DMD: variants seen among roughly 807,000 people sequenced by gnomAD.
DMD encodes the protein mutant dystrophin.
In DMD, 63 loss-of-function variants were observed where a neutral mutation model predicts 330.1. That is an observed-to-expected ratio of 0.19 (90% CI 0.16 to 0.24). DMD has a LOEUF of 0.24. Among genes scored for constraint, DMD ranks in the 10% least tolerant of loss-of-function variants. The probability of loss-of-function intolerance (pLI) is 1.00; values close to 1 mark genes in which losing one functional copy is unlikely to be tolerated. For synonymous variants in DMD, 1,223 were observed against 959.8 expected (o/e 1.27, Z -5.07); for missense variants, 3,344 against 2,684.1 (o/e 1.25, Z -5.43).
At chrX:32,456,351 G>C (rs1278273389) in intron 25 of DMD, among the ~76,000 whole-genome samples, 1 of 110,675 alleles carries the variant, frequency 9.0e-6, no homozygotes, top group African/African-American at 3.3e-5. Context: ...TACTAGAAAA[G>C]GTATAAATGT....
chrX:31,756,746 T>C (rs1392348793), intron 51 of DMD, among the ~76,000 whole-genome samples: 4 of 112,742 alleles, frequency 3.5e-5, no homozygotes, highest in African/African-American at 1.3e-4. Context: ...ATATATGACC[T>C]AACATTTTGG....
chrX:32,446,298 G>A (rs1298726755), intron 27 of DMD, among the ~76,000 whole-genome samples: 2 of 109,631 alleles, frequency 1.8e-5, no homozygotes, highest in Admixed American at 9.7e-5. Context: ...CAGACAGGAC[G>A]AAGAGAAAAT....
intron 2 of DMD, among the ~76,000 whole-genome samples, chrX:32,865,539 A>G (rs1328085175): frequency 8.9e-6 from 1 of 112,002 alleles, no homozygotes; most frequent in Non-Finnish European, 1.9e-5. Context: ...ACTTCTTGGA[A>G]CGTAAGTGGA....
intron 11 of DMD, among the ~76,000 whole-genome samples, chrX:32,626,269 A>G (rs2058338321): frequency 9.0e-6 from 1 of 110,925 alleles, no homozygotes; most frequent in African/African-American, 3.3e-5. Flanking sequence ...TCAGGAGTTC[A>G]AGACCAGCCT....
chrX:32,735,657 C>A (rs1250127975), intron 7 of DMD, among the ~76,000 whole-genome samples: 1 of 111,461 alleles, frequency 9.0e-6, no homozygotes, highest in Admixed American at 9.6e-5. Flanking sequence ...GAAAAACAAG[C>A]AATGGGGAAA....
At chrX:32,116,467 C>A (rs2096611341) in intron 44 of DMD, among the ~76,000 whole-genome samples, 1 of 111,846 alleles carries the variant, frequency 8.9e-6, no homozygotes, top group Admixed American at 9.5e-5. Flanking sequence ...TTCTTGTATC[C>A]CAAGTACCTG....
At chrX:32,785,610 T>C (rs2148588363) in intron 7 of DMD, among the ~76,000 whole-genome samples, 1 of 111,812 alleles carries the variant, frequency 8.9e-6, no homozygotes, top group African/African-American at 3.2e-5. Flanking sequence ...GGAAAATTTA[T>C]GTAAGACAGA....
chrX:33,315,391 G>C, intron 1 of DMD, among the ~76,000 whole-genome samples: 1 of 111,899 alleles, frequency 8.9e-6, no homozygotes. Flanking sequence ...GTATCAGTTT[G>C]AACTCTGGAG....
chrX:32,539,172 C>CT (rs71980872), intron 17 of DMD, among the ~76,000 whole-genome samples: 2,108 of 95,404 alleles, frequency 0.022, 34 homozygotes, highest in African/African-American at 0.039. Context: ...ATTTCTATTT[C>CT]TTTTTTTTTT....
chrX:31,904,351 G>T (rs2094454800), intron 47 of DMD, among the ~76,000 whole-genome samples: 1 of 111,354 alleles, frequency 9.0e-6, no homozygotes, highest in African/African-American at 3.3e-5. Flanking sequence ...CTCTAAAATG[G>T]CACTCAGTGA....
chrX:33,031,969 A>G (rs1489791070), intron 1 of DMD, among the ~76,000 whole-genome samples: 1 of 112,124 alleles, frequency 8.9e-6, no homozygotes, highest in Non-Finnish European at 1.9e-5. Flanking sequence ...AGAGATCAGT[A>G]TTATTATTCC....
chrX:31,652,009 C>T (rs915185657), intron 54 of DMD, among the ~76,000 whole-genome samples: 1 of 111,817 alleles, frequency 8.9e-6, no homozygotes, highest in African/African-American at 3.2e-5. Flanking sequence ...ATGCCAGTTA[C>T]CCCTCTAAAT....
intron 44 of DMD, among the ~76,000 whole-genome samples, chrX:32,074,096 TAATC>T (rs1238952630): frequency 9.0e-6 from 1 of 110,872 alleles, no homozygotes; most frequent in African/African-American, 3.3e-5. Flanking sequence ...AAGAAAAAAA[TAATC>T]AACCATATAA....
Position 33,145,554 on chromosome X carries a change from C to T in DMD, c.31+65728G>A, listed in dbSNP as rs866993878. ...AACTCAACAATAGATAAGTCACTTC[C>T]ATCATTGAAGATCTGAGTTTCATCA... is the stretch of plus-strand genomic sequence containing the variant. On this transcript the variant is annotated intron_variant, in intron 1 of 78. Coordinates refer to ENST00000357033, the MANE Select transcript of DMD (RefSeq NM_004006.3). Among the ~76,000 whole-genome samples, 16 of 110,440 alleles carry T rather than the reference C, an allele frequency of 1.4e-4. 1 individual carries two copies. Among genetic ancestry groups the T allele is most frequent in the African/African-American group, 5.2e-4 (16 of 30,532 alleles).
In DMD at chrX:31,747,704, T is replaced by C. The variant is rs186098053; in HGVS notation, c.7543-17956A>G. Among the ~76,000 whole-genome samples, 72 of 111,860 alleles carry C rather than the reference T, an allele frequency of 6.4e-4. 1 individual carries two copies. In the Admixed American group the frequency reaches 6.7e-3, roughly 10 times the overall value. On this transcript the variant is annotated intron_variant, in intron 51 of 78. Coordinates refer to ENST00000357033, the MANE Select transcript of DMD (RefSeq NM_004006.3). ...GTTTGATAGGGAAATGTGCACAGCT[T>C]CTAAACGGTGAGCTTCTAGTTCTGC... is the stretch of plus-strand genomic sequence containing the variant.
chrX:32,129,724 G>GGGGA (rs1184082095), intron 44 of DMD, among the ~76,000 whole-genome samples: 22 of 40,027 alleles, frequency 5.5e-4, no homozygotes, highest in African/African-American at 1.4e-3. Context: ...AGAGAGAGAG[G>GGGGA]GAGGGAGAGA....
Position 32,441,218 on chromosome X carries a change from T to C in DMD, c.3883A>G (p.Ile1295Val), listed in dbSNP as rs1569562566. The change falls in exon 28 of 79, where the codon ATT becomes GTT. Residue 1295 changes from isoleucine (I) to valine (V), a missense_variant. Physicochemically the swap from Ile to Val is conservative, Grantham distance 29. Transcript: ENST00000357033. ...VEFKLKTTENIPGGAEEISEV... is the reference protein window; with the variant it reads ...VEFKLKTTENVPGGAEEISEV... ...GAGATTTCCTCAGCTCCGCCAGGAA[T>C]GTTTTCAGTGGTTTTAAGTTTAAAT... 8.3e-7 allele frequency: 1 copy of C among 1,209,514 alleles called. No homozygotes were observed.
At chrX:32,750,855 T>C (rs759239966) in intron 7 of DMD, among the ~76,000 whole-genome samples, 1 of 111,281 alleles carries the variant, frequency 9.0e-6, no homozygotes, top group African/African-American at 3.3e-5. Flanking sequence ...GATCATGGGG[T>C]CAGGTATTTC....
At chrX:31,859,319 T>C (rs1434455658) in intron 48 of DMD, among the ~76,000 whole-genome samples, 2 of 112,083 alleles carry the variant, frequency 1.8e-5, no homozygotes, top group Non-Finnish European at 3.8e-5. Context: ...GAAATCACTA[T>C]TTCAGAGTGA....
Sources: gnomAD v4.1 joint callset for allele counts (sites outside exome capture counted in the v4.1 genomes callset) on GRCh38, gnomAD v4.1.1 for gene constraint, MANE v1.5 for transcripts, NCBI Gene and HGNC (gene_info 2026-07-23, HGNC 2026-07-21) for gene names.